TMTC2: variants seen among roughly 807,000 people sequenced by gnomAD.
TMTC2 encodes the protein transmembrane O-mannosyltransferase targeting cadherins 2.
A neutral mutation model predicts 82.4 loss-of-function variants in TMTC2; 43 were observed. The observed-to-expected ratio is 0.52, with a 90% CI of 0.41 to 0.67. TMTC2 has a LOEUF of 0.67. Ranked by LOEUF, TMTC2 falls within the 30% of genes least tolerant of loss-of-function variation. The probability of loss-of-function intolerance (pLI) is 0.00; values close to 1 mark genes in which losing one functional copy is unlikely to be tolerated. For synonymous variants in TMTC2, 408 were observed against 381.9 expected (o/e 1.07, Z -0.80); for missense variants, 919 against 1,012.4 (o/e 0.91, Z 1.25).
chr12:82,884,985 C>T (rs888284127), intron 2 of TMTC2, among the ~76,000 whole-genome samples: 5 of 152,106 alleles, frequency 3.3e-5, no homozygotes, highest in African/African-American at 1.2e-4. Flanking sequence ...CCTCAACCTC[C>T]CAGACTCACG....
intron 1 of TMTC2, among the ~76,000 whole-genome samples, chr12:82,841,346 AT>A (rs1353706802): frequency 3.9e-5 from 6 of 152,232 alleles, no homozygotes; most frequent in Admixed American, 2.0e-4. Flanking sequence ...ATGTCAGTAA[AT>A]TTTAATGCTA....
intron 3 of TMTC2, among the ~76,000 whole-genome samples, chr12:82,901,949 A>G (rs1340487125): frequency 1.4e-4 from 22 of 151,980 alleles, no homozygotes. Flanking sequence ...TTTATGACTA[A>G]ATCTTCGCCT....
At chr12:82,885,894 C>T (rs1873073998) in intron 2 of TMTC2, among the ~76,000 whole-genome samples, 1 of 152,164 alleles carries the variant, frequency 6.6e-6, no homozygotes, top group Non-Finnish European at 1.5e-5. Context: ...TCACTATGCA[C>T]AGACCACATC....
intron 7 of TMTC2, among the ~76,000 whole-genome samples, chr12:82,978,952 T>C (rs1878802271): frequency 6.6e-6 from 1 of 151,738 alleles, no homozygotes; most frequent in Admixed American, 6.6e-5. Flanking sequence ...CTTGTCTCTT[T>C]TTATAGTTTC....
chr12:83,022,988 A>G (rs1237950887), intron 8 of TMTC2, among the ~76,000 whole-genome samples: 1 of 152,230 alleles, frequency 6.6e-6, no homozygotes, highest in Non-Finnish European at 1.5e-5. Flanking sequence ...GAACAATATT[A>G]TAATAAAAAT....
chr12:83,075,325 T>C (rs1246148684), intron 11 of TMTC2, among the ~76,000 whole-genome samples: 1 of 152,146 alleles, frequency 6.6e-6, no homozygotes, highest in Non-Finnish European at 1.5e-5. Flanking sequence ...GGAGCTAAAA[T>C]TCACAGCTCA....
At chr12:82,693,694 G>A (rs1367471418) in intron 1 of TMTC2, among the ~76,000 whole-genome samples, 1 of 151,866 alleles carries the variant, frequency 6.6e-6, no homozygotes, top group Non-Finnish European at 1.5e-5. Flanking sequence ...GTGTGGCCGG[G>A]CGCGGTGGCT....
At chr12:83,035,106 G>C (rs901122526) in intron 9 of TMTC2, among the ~76,000 whole-genome samples, 2 of 152,144 alleles carry the variant, frequency 1.3e-5, no homozygotes, top group Non-Finnish European at 2.9e-5. Flanking sequence ...GTGTGATTTT[G>C]TGGTTCTGAT....
rs368385841 is a variant in TMTC2 at position 83,098,986 on chromosome 12, A to C, written c.2332-33224A>C. 7.7e-4 allele frequency among the ~76,000 whole-genome samples: 118 copies of C among 152,348 alleles called. 2 individuals are homozygous for C. In the South Asian group the frequency reaches 0.023, roughly 30 times the overall value. On this transcript the variant is annotated intron_variant, in intron 11 of 11. Transcript: ENST00000321196. ...AATATCCACTGAGGAGACTCTTTTTAAGATAAATTTGGATATATCATAGCC... is the reference window on the plus strand; with the variant it reads ...AATATCCACTGAGGAGACTCTTTTTCAGATAAATTTGGATATATCATAGCC...
At chr12:82,705,428 T>C (rs1294903149) in intron 1 of TMTC2, among the ~76,000 whole-genome samples, 1 of 152,248 alleles carries the variant, frequency 6.6e-6, no homozygotes, top group Non-Finnish European at 1.5e-5. Context: ...TGTTTTGTAG[T>C]GTATTCTGAG....
chr12:83,042,178 C>T (rs1881919448), intron 9 of TMTC2, among the ~76,000 whole-genome samples: 1 of 152,180 alleles, frequency 6.6e-6, no homozygotes, highest in Non-Finnish European at 1.5e-5. Flanking sequence ...AGACCTGGAG[C>T]TCTCCTAGGA....
intron 2 of TMTC2, among the ~76,000 whole-genome samples, chr12:82,871,889 G>A (rs1480039342): frequency 2.6e-5 from 4 of 151,840 alleles, no homozygotes; most frequent in African/African-American, 7.3e-5. Flanking sequence ...GGGTAAAGTA[G>A]TGAAGAAAAT....
intron 3 of TMTC2, among the ~76,000 whole-genome samples, chr12:82,899,733 A>G (rs935707156): frequency 2.1e-5 from 3 of 143,838 alleles, no homozygotes; most frequent in African/African-American, 5.1e-5. Flanking sequence ...AAGAATATAT[A>G]TATGTGGAAT....
chr12:82,869,620 G>A (rs1364753053), intron 2 of TMTC2, among the ~76,000 whole-genome samples: 1 of 151,942 alleles, frequency 6.6e-6, no homozygotes, highest in Non-Finnish European at 1.5e-5. Flanking sequence ...TGGGTGGATC[G>A]TGTGAGCCAG....
chr12:82,701,976 C>T (rs796254891), intron 1 of TMTC2, among the ~76,000 whole-genome samples: 10 of 152,152 alleles, frequency 6.6e-5, no homozygotes, highest in African/African-American at 2.2e-4. Flanking sequence ...GATCTACTAC[C>T]GGAGGCAATA....
In TMTC2 at chr12:82,777,431, TTC is replaced by T. The variant is rs1229236040; in HGVS notation, c.84-79573_84-79572del. Among the ~76,000 whole-genome samples the T allele has an allele frequency of 1.3e-5, 2 of 152,120 alleles. 1 individual carries two copies. Among genetic ancestry groups the T allele is most frequent in the Non-Finnish European group, 2.9e-5 (2 of 68,024 alleles). ...TCAAAATGAAATATGCTAATAATGATTCTCTCTTTCCATATTGTTTAATTTCT... is the reference window on the plus strand; with the variant it reads ...TCAAAATGAAATATGCTAATAATGATTCTCTTTCCATATTGTTTAATTTCT... On this transcript the variant is annotated intron_variant, in intron 1 of 11. Transcript: ENST00000321196.
intron 10 of TMTC2, among the ~76,000 whole-genome samples, chr12:83,055,758 C>G (rs1246440669): frequency 6.6e-6 from 1 of 150,946 alleles, no homozygotes; most frequent in Admixed American, 6.6e-5. Flanking sequence ...AATCTACTTA[C>G]AGGGTAAGGG....
At chr12:82,816,583 T>G (rs1868745199) in intron 1 of TMTC2, among the ~76,000 whole-genome samples, 1 of 152,094 alleles carries the variant, frequency 6.6e-6, no homozygotes, top group Non-Finnish European at 1.5e-5. Flanking sequence ...TATATCAGAC[T>G]TCTATTATCT....
chr12:82,823,893 A>ATT (rs1225145231), intron 1 of TMTC2, among the ~76,000 whole-genome samples: 3,099 of 136,254 alleles, frequency 0.023, 143 homozygotes, highest in African/African-American at 0.08. Context: ...CCATTATTCT[A>ATT]TTTTTTTTTT....
Sources: allele counts gnomAD v4.1 joint callset (sites outside exome capture counted in the v4.1 genomes callset), GRCh38; gene constraint gnomAD v4.1.1; transcripts MANE v1.5; gene names NCBI Gene and HGNC (gene_info 2026-07-23, HGNC 2026-07-21).